ADORA1: variants seen among roughly 807,000 people sequenced by gnomAD.
ADORA1 encodes the protein adenosine receptor A1.
ADORA1 carries 6 observed loss-of-function variants against 19.9 expected under a neutral mutation model. The ratio of observed to expected loss-of-function variants is 0.30; its 90% confidence interval spans 0.17 to 0.59. ADORA1 has a LOEUF of 0.59. Ranked by LOEUF, ADORA1 falls within the 20% of genes least tolerant of loss-of-function variation. The pLI is 0.87. For synonymous variants in ADORA1, 194 were observed against 188.4 expected (o/e 1.03, Z -0.24); for missense variants, 302 against 439.2 (o/e 0.69, Z 2.79).
At chr1:203,132,081 A>G (rs1654359375) in intron 3 of ADORA1, among the ~76,000 whole-genome samples, 1 of 152,230 alleles carries the variant, frequency 6.6e-6, no homozygotes, top group Non-Finnish European at 1.5e-5. Flanking sequence ...GATTCACACC[A>G]TATAATATGA....
chr1:203,167,127 C>G lies in ADORA1; in HGVS notation c.*1227C>G, dbSNP rs1289301723. 2.6e-5 allele frequency: 4 copies of G among 152,806 alleles called. No homozygotes were observed. Among genetic ancestry groups the G allele is most frequent in the African/African-American group, 9.7e-5 (4 of 41,290 alleles). 9.5% of individuals were successfully genotyped at this position (152,806 alleles called of 1,614,324 possible). ...AGGACCAACCCATGCCCTGCCAAGC[C>G]TGGAGCCCCTGTGTTGGGGGGCAAG... On this transcript the variant is annotated 3_prime_UTR_variant, in exon 4 of 4. Coordinates refer to ENST00000337894, the MANE Select transcript of ADORA1 (RefSeq NM_000674.3).
intron 3 of ADORA1, among the ~76,000 whole-genome samples, chr1:203,140,971 T>C (rs151294275): frequency 3.7e-4 from 57 of 152,374 alleles, no homozygotes; most frequent in African/African-American, 1.3e-3. Flanking sequence ...GTCTGCATTG[T>C]GGATTGTGTT....
At chr1:203,135,657 CAAA>C (rs10712199) in intron 3 of ADORA1, among the ~76,000 whole-genome samples, 21 of 131,836 alleles carry the variant, frequency 1.6e-4, no homozygotes, top group South Asian at 2.5e-4. Flanking sequence ...GACTTTGTCT[CAAA>C]AAAAAAAAAA....
Position 203,166,129 on chromosome 1 carries a change from G to A in ADORA1, c.*229G>A, listed in dbSNP as rs1655545472. On this transcript the variant is annotated 3_prime_UTR_variant, in exon 4 of 4. Coordinates refer to ENST00000337894, the MANE Select transcript of ADORA1 (RefSeq NM_000674.3). The stretch of plus-strand genomic sequence containing the variant: ...CTGGGAGGGCAAGGGTCCTACGGAG[G>A]GACCAGGTGTCTAGAGGCAACAGTG... The A allele has an allele frequency of 2.1e-6, 1 of 475,142 alleles. No homozygotes were observed. The highest frequency in any genetic ancestry group is 3.5e-6 in the Non-Finnish European group (1 of 285,770). The allele number at this position is 475,142 out of a possible 1,614,324, so 29.4% of individuals were successfully genotyped here.
At chr1:203,151,533 C>G (rs955218030) in intron 3 of ADORA1, among the ~76,000 whole-genome samples, 1 of 152,146 alleles carries the variant, frequency 6.6e-6, no homozygotes, top group Non-Finnish European at 1.5e-5. Flanking sequence ...ATTGTGTATT[C>G]CAGTAGAATC....
Position 203,128,653 on chromosome 1 carries a change from C to A in ADORA1, c.-57-132C>A. 1 of 1,120,926 alleles carries A rather than the reference C, an allele frequency of 8.9e-7. No homozygotes were observed. Among genetic ancestry groups the A allele is most frequent in the Non-Finnish European group, 1.2e-6 (1 of 811,948 alleles). The allele number at this position is 1,120,926 out of a possible 1,614,324, so 69.4% of individuals were successfully genotyped here. A position where few individuals can be genotyped will look rare whatever the true frequency, so the allele number is the denominator to read the frequency against. On this transcript the variant is annotated intron_variant, in intron 2 of 3. Coordinates refer to ENST00000337894, the MANE Select transcript of ADORA1 (RefSeq NM_000674.3). The surrounding 1 kb of genome is among the most constrained non-coding windows in gnomAD (Gnocchi z 5.9). ...GATTAGGCAGAGAAGGGTCCGGGTG[C>A]CCCTCCAGCCTGGGTAGGAGCTGCA... is the stretch of plus-strand genomic sequence containing the variant.
chr1:203,132,513 C>T (rs189962847), intron 3 of ADORA1, among the ~76,000 whole-genome samples: 3 of 152,316 alleles, frequency 2.0e-5, no homozygotes, highest in Admixed American at 2.0e-4. Flanking sequence ...AGTTATTCAG[C>T]CTCTCTGAGC....
At chr1:203,158,981 A>G (rs1033291687) in intron 3 of ADORA1, among the ~76,000 whole-genome samples, 6 of 152,244 alleles carry the variant, frequency 3.9e-5, no homozygotes, top group African/African-American at 1.4e-4. Flanking sequence ...GGATCTAATT[A>G]CCTCTTAAAG....
chr1:203,149,225 G>T (rs1408825354), intron 3 of ADORA1, among the ~76,000 whole-genome samples: 1 of 152,042 alleles, frequency 6.6e-6, no homozygotes, highest in Non-Finnish European at 1.5e-5. Flanking sequence ...AAGTTTCCAT[G>T]AATGGTGGAT....
At chr1:203,141,442 T>C (rs1355682811) in intron 3 of ADORA1, among the ~76,000 whole-genome samples, 2 of 151,998 alleles carry the variant, frequency 1.3e-5, no homozygotes, top group Non-Finnish European at 2.9e-5. Context: ...GGTTCTCAGC[T>C]CCTTTTCTCT....
chr1:203,136,761 C>T (rs1251337534), intron 3 of ADORA1, among the ~76,000 whole-genome samples: 1 of 152,216 alleles, frequency 6.6e-6, no homozygotes, highest in African/African-American at 2.4e-5. Context: ...GCTCTTTGAA[C>T]TTACCTTCTT....
rs770874262 is a variant in ADORA1 at position 203,128,808 on chromosome 1, G to T, written c.-34G>T. 1 of 1,557,536 alleles carries T rather than the reference G, an allele frequency of 6.4e-7. No homozygotes were observed. The highest frequency in any genetic ancestry group is 1.7e-5 in the Admixed American group (1 of 57,636). On this transcript the variant is annotated 5_prime_UTR_variant, in exon 3 of 4. Transcript: ENST00000337894. The surrounding 1 kb of genome is among the most constrained non-coding windows in gnomAD (Gnocchi z 5.9). Reference sequence around the variant, plus strand: ...AGGTGCTTGCCTCGTGCCCCTTGGTGCCCGTCTGCTGATGTGCCCAGCCTG... The same window carrying T: ...AGGTGCTTGCCTCGTGCCCCTTGGTTCCCGTCTGCTGATGTGCCCAGCCTG...
chr1:203,165,811 A>G lies in ADORA1; in HGVS notation c.892A>G (p.Thr298Ala). The G allele has an allele frequency of 6.2e-7, 1 of 1,612,268 alleles. No homozygotes were observed. Among genetic ancestry groups the G allele is most frequent in the Non-Finnish European group, 8.5e-7 (1 of 1,178,970 alleles). ...YAFRIQKFRV[T>A]FLKIWNDHFR... ...CTTCCGCATCCAGAAGTTCCGCGTC[A>G]CCTTCCTTAAGATTTGGAATGACCA... is the stretch of plus-strand genomic sequence containing the variant. The change falls in exon 4 of 4, where the codon ACC becomes GCC. Residue 298 changes from threonine (T) to alanine (A), a missense_variant. By Grantham distance (58) the Thr-to-Ala change is moderately conservative. Transcript: ENST00000337894. The surrounding 1 kb of genome is among the most constrained non-coding windows in gnomAD (Gnocchi z 5.9).
chr1:203,133,859 G>A (rs934227456), intron 3 of ADORA1, among the ~76,000 whole-genome samples: 3 of 152,200 alleles, frequency 2.0e-5, no homozygotes, highest in Non-Finnish European at 4.4e-5. Context: ...GGGCACGTTT[G>A]CGTTTAGGCA....
At chr1:203,159,007 T>A (rs533401199) in intron 3 of ADORA1, among the ~76,000 whole-genome samples, 2 of 152,242 alleles carry the variant, frequency 1.3e-5, no homozygotes, top group African/African-American at 4.8e-5. Context: ...CCTTTCAACA[T>A]TGTTGCATTG....
chr1:203,153,086 C>T (rs1571802760), intron 3 of ADORA1, among the ~76,000 whole-genome samples: 1 of 152,172 alleles, frequency 6.6e-6, no homozygotes. Flanking sequence ...ATGAGAACGC[C>T]CACCCAGAGA....
chr1:203,158,355 T>G (rs1316410227), intron 3 of ADORA1, among the ~76,000 whole-genome samples: 2 of 152,220 alleles, frequency 1.3e-5, no homozygotes, highest in Non-Finnish European at 2.9e-5. Context: ...TGACCTTTAC[T>G]CCAGTTTTCA....
In ADORA1 at chr1:203,141,540, C is replaced by T. The variant is rs77902691; in HGVS notation, c.341+12358C>T. 3.0e-3 allele frequency among the ~76,000 whole-genome samples: 433 copies of T among 144,240 alleles called. 2 individuals are homozygous for T. Among genetic ancestry groups the T allele is most frequent in the African/African-American group, 0.011 (422 of 39,072 alleles). 94.6% of individuals were successfully genotyped at this position (144,240 alleles called of 152,430 possible). A position where few individuals can be genotyped will look rare whatever the true frequency, so the allele number is the denominator to read the frequency against. On this transcript the variant is annotated intron_variant, in intron 3 of 3. Coordinates refer to ENST00000337894, the MANE Select transcript of ADORA1 (RefSeq NM_000674.3). Reference sequence around the variant, plus strand: ...ATTCTCTTGGGGGCAGGAGAGGGGACGGTCTGTTTGAAAAAAGCTCCTCTA... The same window carrying T: ...ATTCTCTTGGGGGCAGGAGAGGGGATGGTCTGTTTGAAAAAAGCTCCTCTA...
At chr1:203,147,658 C>T (rs186620309) in intron 3 of ADORA1, among the ~76,000 whole-genome samples, 10 of 152,236 alleles carry the variant, frequency 6.6e-5, no homozygotes, top group South Asian at 4.1e-4. Context: ...GGACCCCAGA[C>T]GATTCATATG....
Sources: gnomAD v4.1 joint callset for allele counts (sites outside exome capture counted in the v4.1 genomes callset) on GRCh38, gnomAD v4.1.1 for gene constraint, Gnocchi (gnomAD v3.1) non-coding constraint, MANE v1.5 for transcripts, NCBI Gene and HGNC (gene_info 2026-07-23, HGNC 2026-07-21) for gene names.